ATAD2B: variants seen among roughly 807,000 people sequenced by gnomAD.
The protein encoded by ATAD2B is ATPase family AAA domain-containing protein 2B.
In ATAD2B, 40 loss-of-function variants were observed where a neutral mutation model predicts 167.6. That is an observed-to-expected ratio of 0.24 (90% confidence interval 0.19 to 0.31). The LOEUF (loss-of-function observed/expected upper bound fraction) is 0.31, where lower values mean the gene tolerates loss of function less well. Ranked by LOEUF, ATAD2B falls within the 10% of genes least tolerant of loss-of-function variation. The pLI is 1.00. For synonymous variants in ATAD2B, 579 were observed against 596.5 expected, an observed-to-expected ratio of 0.97 and a Z score of 0.43; for missense variants, 1,242 against 1,757.2, an observed-to-expected ratio of 0.71 and a Z score of 5.24.
chr2:23,915,586 C>CTTTT (rs869032768), intron 1 of ATAD2B, among the ~76,000 whole-genome samples: 4,797 of 65,252 alleles, frequency 0.074, 972 homozygotes, highest in Non-Finnish European at 0.094. Flanking sequence ...ACTACCGATT[C>CTTTT]TTTTTTTTTT....
chr2:23,753,487 G>A (rs893605108), intron 27 of ATAD2B, among the ~76,000 whole-genome samples: 5 of 152,188 alleles, frequency 3.3e-5, no homozygotes, highest in South Asian at 4.1e-4. Context: ...CATTTTGTGG[G>A]TAGATGAGTG....
the ATAD2B span, chr2:23,706,450 G>A: frequency 1.5e-6 from 2 of 1,366,656 alleles, no homozygotes; most frequent in East Asian, 2.7e-5. Flanking sequence ...GAAGTGAAAT[G>A]CCTAACTCTG....
intron 9 of ATAD2B, 180 bp downstream of exon 9, chr2:23,869,483 T>C (rs996236997): frequency 1.9e-5 from 11 of 577,322 alleles, no homozygotes; most frequent in Non-Finnish European, 2.8e-5. Flanking sequence ...ACTTTCAGAC[T>C]AAATGATTTT....
intron 13 of ATAD2B, among the ~76,000 whole-genome samples, chr2:23,844,187 G>A (rs549917101): frequency 4.2e-4 from 64 of 152,146 alleles, no homozygotes; most frequent in African/African-American, 1.4e-3. Context: ...TGATACACAC[G>A]CCTCGGCCTC....
intron 19 of ATAD2B, among the ~76,000 whole-genome samples, chr2:23,792,962 CAAAAAA>C (rs36015161): frequency 4.7e-5 from 2 of 42,548 alleles, no homozygotes; most frequent in Admixed American, 7.2e-4. Flanking sequence ...GACTCTGTCT[CAAAAAA>C]AAAAAAAAAA....
At chr2:23,824,267 C>T (rs933878192) in intron 15 of ATAD2B, among the ~76,000 whole-genome samples, 4 of 152,214 alleles carry the variant, frequency 2.6e-5, no homozygotes, top group South Asian at 2.1e-4. Context: ...TGGCCTACAA[C>T]GTACAACTTT....
chr2:23,741,330 G>A, the ATAD2B span, among the ~76,000 whole-genome samples: 14 of 152,154 alleles, frequency 9.2e-5, no homozygotes, highest in South Asian at 2.1e-4. Flanking sequence ...AACCAAAACA[G>A]CATGGTACTG....
the ATAD2B span, among the ~76,000 whole-genome samples, chr2:23,678,341 T>G: frequency 6.6e-6 from 1 of 152,190 alleles, no homozygotes; most frequent in East Asian, 1.9e-4. Context: ...AGAGGGGATA[T>G]CTGGTCCATA....
the ATAD2B span, among the ~76,000 whole-genome samples, chr2:23,731,981 G>A: frequency 2.9e-5 from 3 of 103,358 alleles, no homozygotes; most frequent in Non-Finnish European, 4.4e-5. Context: ...TCTCCTAGGG[G>A]GCAAAAAAAA....
chr2:23,692,044 C>T, the ATAD2B span, among the ~76,000 whole-genome samples: 4 of 152,208 alleles, frequency 2.6e-5, no homozygotes, highest in African/African-American at 9.6e-5. Context: ...CAGATAACTA[C>T]ATGCAAAGGC....
chr2:23,733,565 G>C, the ATAD2B span, among the ~76,000 whole-genome samples: 5,387 of 152,246 alleles, frequency 0.035, 139 homozygotes, highest in Non-Finnish European at 0.056. Context: ...TCAAGCTTTA[G>C]ATATATTTAT....
chr2:23,679,367 C>T, the ATAD2B span, among the ~76,000 whole-genome samples: 1 of 152,222 alleles, frequency 6.6e-6, no homozygotes, highest in Non-Finnish European at 1.5e-5. Flanking sequence ...TCCACACAGT[C>T]TCTCATGCTC....
chr2:23,845,238 A>G (rs779749514), intron 13 of ATAD2B, among the ~76,000 whole-genome samples: 6 of 152,298 alleles, frequency 3.9e-5, no homozygotes, highest in Middle Eastern at 6.8e-3. Flanking sequence ...GATAAAAAAT[A>G]TATGTTCTAC....
Position 23,926,676 on chromosome 2 carries a change from G to T in ATAD2B, c.95C>A (p.Thr32Asn). The change falls in exon 1 of 28, where the codon ACC (threonine) becomes AAC (asparagine). Residue 32 changes from threonine (T) to asparagine (N), a missense_variant. Thr to Asn is a moderately conservative substitution (Grantham distance 65). Coordinates refer to ENST00000238789, the MANE Select transcript of ATAD2B (RefSeq NM_017552.4). ...GPGAGAEPGATGGSSHFISSR... is the reference protein window; with the variant it reads ...GPGAGAEPGANGGSSHFISSR... Reference sequence around the variant, plus strand: ...GGAGATGAAATGGCTGCTGCCTCCGGTCGCCCCAGGCTCTGCTCCGGCCCC... The same window carrying T: ...GGAGATGAAATGGCTGCTGCCTCCGTTCGCCCCAGGCTCTGCTCCGGCCCC... 2 of 1,555,530 alleles carry T rather than the reference G, an allele frequency of 1.3e-6. No homozygotes were observed. The highest frequency in any genetic ancestry group is 1.7e-6 in the Non-Finnish European group (2 of 1,150,218).
At chr2:23,716,823 A>G in the ATAD2B span, among the ~76,000 whole-genome samples, 1 of 152,200 alleles carries the variant, frequency 6.6e-6, no homozygotes, top group Non-Finnish European at 1.5e-5. Context: ...TGGTGCCACT[A>G]TGAATACATG....
intron 17 of ATAD2B, among the ~76,000 whole-genome samples, chr2:23,817,482 C>T (rs542775936): frequency 2.6e-4 from 40 of 152,346 alleles, no homozygotes; most frequent in African/African-American, 8.9e-4. Context: ...GCAAATATCA[C>T]TACTTCTCCT....
chr2:23,859,877 G>C (rs2150003478), intron 12 of ATAD2B, among the ~76,000 whole-genome samples: 1 of 151,966 alleles, frequency 6.6e-6, no homozygotes, highest in Admixed American at 6.6e-5. Context: ...TTGAACCCGG[G>C]AGACAGAAGT....
intron 26 of ATAD2B, 88 bp from the exon 27 acceptor site, chr2:23,754,395 C>G (rs547019611): frequency 1.5e-6 from 2 of 1,332,934 alleles, no homozygotes; most frequent in African/African-American, 1.5e-5. Flanking sequence ...CAATAAACAC[C>G]ATAAAGCGAG....
chr2:23,686,770 G>A, the ATAD2B span, among the ~76,000 whole-genome samples: 1 of 152,106 alleles, frequency 6.6e-6, no homozygotes, highest in Non-Finnish European at 1.5e-5. Flanking sequence ...AACCCAGAGA[G>A]GTCTGAGGTT....
Sources: allele counts gnomAD v4.1 joint callset (sites outside exome capture counted in the v4.1 genomes callset), GRCh38; gene constraint gnomAD v4.1.1; transcripts MANE v1.5; gene names NCBI Gene and HGNC (gene_info 2026-07-23, HGNC 2026-07-21).